The following ADGRL2 variants were observed in gnomAD, a reference collection of about 807,000 sequenced individuals.
ADGRL2 encodes the protein adhesion G protein-coupled receptor L2.
ADGRL2 carries 44 observed loss-of-function variants against 157.4 expected under a neutral mutation model. The ratio of observed to expected loss-of-function variants is 0.28; its 90% CI spans 0.22 to 0.36. The LOEUF (loss-of-function observed/expected upper bound fraction) is 0.36. ADGRL2 is among the 10% of genes least tolerant of loss of function. The pLI, the probability that ADGRL2 is intolerant of heterozygous loss-of-function variation, is 1.00. For missense variants in ADGRL2, 1,510 were observed against 1,768.9 expected, an observed-to-expected ratio of 0.85 and a Z score of 2.63; for synonymous variants, 585 against 624.7, an observed-to-expected ratio of 0.94 and a Z score of 0.95.
chr1:81,452,492 T>C (rs1276439852), intron 2 of ADGRL2, among the ~76,000 whole-genome samples: 2 of 152,166 alleles, frequency 1.3e-5, no homozygotes, highest in African/African-American at 2.4e-5. Context: ...TATTTGTAAA[T>C]GAATAAATAA....
chr1:81,696,712 A>G (rs1428136963), upstream of ADGRL2, among the ~76,000 whole-genome samples: 1 of 152,206 alleles, frequency 6.6e-6, no homozygotes, highest in Non-Finnish European at 1.5e-5. Context: ...AGATCACACC[A>G]CTGCACTCCA....
intron 2 of ADGRL2, among the ~76,000 whole-genome samples, chr1:81,527,667 G>A (rs1172491769): frequency 1.3e-5 from 2 of 151,480 alleles, no homozygotes; most frequent in East Asian, 2.0e-4. Context: ...AGCCAAGATC[G>A]CGCCACTGCA....
chr1:81,513,013 T>C (rs1393309725), intron 2 of ADGRL2, among the ~76,000 whole-genome samples: 1 of 152,194 alleles, frequency 6.6e-6, no homozygotes, highest in Non-Finnish European at 1.5e-5. Context: ...AATCTTTAAA[T>C]GTTCTAATGT....
At chr1:81,518,133 G>A (rs1005565831) in intron 2 of ADGRL2, among the ~76,000 whole-genome samples, 2 of 152,248 alleles carry the variant, frequency 1.3e-5, no homozygotes. Context: ...TAGCCAGGCA[G>A]GCAGGAGTAG....
Position 81,503,043 on chromosome 1 carries a change from C to T in ADGRL2, c.-248+57954C>T. 3.1e-6 allele frequency: 5 copies of T among 1,611,400 alleles called. No homozygotes were observed. The South Asian group carries it at 3.3e-5, about 11-fold the overall frequency. ...GCCAGCAGGCTGGTACTCGGACCGC[C>T]GCACTGGAGCAGCTGCGGGAGCGGC... On this transcript the variant is annotated intron_variant, in intron 2 of 24. Transcript: ENST00000370721.
At chr1:81,393,970 C>T (rs1181618689) in intron 1 of ADGRL2, among the ~76,000 whole-genome samples, 1 of 151,786 alleles carries the variant, frequency 6.6e-6, no homozygotes, top group Non-Finnish European at 1.5e-5. Context: ...GATCCTAACA[C>T]CTTTCAGGGA....
At chr1:81,485,221 T>A (rs2078475619) in intron 2 of ADGRL2, among the ~76,000 whole-genome samples, 1 of 149,148 alleles carries the variant, frequency 6.7e-6, no homozygotes, top group African/African-American at 2.5e-5. Context: ...TGTGTAGTAA[T>A]CAGAAACAGG....
intron 2 of ADGRL2, among the ~76,000 whole-genome samples, chr1:81,517,464 CAAAAAAAA>C (rs397956551): frequency 4.4e-5 from 2 of 45,268 alleles, no homozygotes; most frequent in African/African-American, 1.6e-4. Flanking sequence ...GACTCCCTCT[CAAAAAAAA>C]AAAAAAAAAA....
intron 2 of ADGRL2, among the ~76,000 whole-genome samples, chr1:81,495,888 G>A (rs935462188): frequency 3.3e-5 from 5 of 152,098 alleles, no homozygotes; most frequent in Non-Finnish European, 7.4e-5. Flanking sequence ...TAGATTTCTA[G>A]TTATTGAGAG....
chr1:81,444,545 C>A (rs141734460), intron 1 of ADGRL2, among the ~76,000 whole-genome samples: 1 of 152,290 alleles, frequency 6.6e-6, no homozygotes. Context: ...CAGTTCCTAA[C>A]GGTCAAAGTT....
At chr1:81,698,960 T>G (rs562868993), upstream of ADGRL2, among the ~76,000 whole-genome samples, 110 of 152,304 alleles carry the variant, frequency 7.2e-4, 2 homozygotes, top group South Asian at 0.022. Context: ...CAAAAATGAT[T>G]TCCTTTCCTT....
At chr1:81,872,907 T>A (rs977381843) in intron 2 of ADGRL2, among the ~76,000 whole-genome samples, 3 of 152,106 alleles carry the variant, frequency 2.0e-5, no homozygotes, top group African/African-American at 7.2e-5. Flanking sequence ...AATATGAATA[T>A]CAGAAGCACT....
At chr1:81,846,539 G>T (rs1367398791) in intron 2 of ADGRL2, among the ~76,000 whole-genome samples, 1 of 151,438 alleles carries the variant, frequency 6.6e-6, no homozygotes, top group African/African-American at 2.4e-5. Context: ...TTTTGCACAG[G>T]GATTTAATCT....
intron 3 of ADGRL2, among the ~76,000 whole-genome samples, chr1:81,916,218 C>T (rs1463589121): frequency 1.3e-5 from 2 of 152,112 alleles, no homozygotes; most frequent in Non-Finnish European, 2.9e-5. Flanking sequence ...ACGAGATCAG[C>T]TTTCATAAGA....
intron 5 of ADGRL2, 67 bp from the exon 6 acceptor site, chr1:81,942,902 C>A: frequency 8.4e-7 from 1 of 1,188,916 alleles, no homozygotes; most frequent in Non-Finnish European, 1.2e-6. Context: ...TTTGTGATCA[C>A]TGAAACTTGT....
At chr1:81,333,391 T>TTTAATTAA (rs756755985) in intron 1 of ADGRL2, among the ~76,000 whole-genome samples, 6 of 147,288 alleles carry the variant, frequency 4.1e-5, no homozygotes, top group South Asian at 2.1e-4. Context: ...TCCTTGACTT[T>TTTAATTAA]TTAATTAATT....
rs78788782 is a variant in ADGRL2, at chr1:81,436,549, A to G, written c.-301-8487A>G. Among the ~76,000 whole-genome samples, 47 of 152,318 alleles carry G rather than the reference A, an allele frequency of 3.1e-4. No homozygotes were observed. The East Asian group carries it at 7.5e-3, about 24-fold the overall frequency. Reference sequence around the variant, plus strand: ...ACTTTATGGCTCTTTGTTCCCAAGTAAACAAGCCTAGTCTGGTTATGTATT... The same window carrying G: ...ACTTTATGGCTCTTTGTTCCCAAGTGAACAAGCCTAGTCTGGTTATGTATT... On this transcript the variant is annotated intron_variant, in intron 1 of 24. Coordinates refer to the ADGRL2 transcript ENST00000370721.
At chr1:81,313,358 T>C (rs1285461399) in intron 1 of ADGRL2, among the ~76,000 whole-genome samples, 2 of 152,128 alleles carry the variant, frequency 1.3e-5, no homozygotes, top group Non-Finnish European at 2.9e-5. Context: ...ATGCTGGGGG[T>C]CACATTTATA....
At chr1:81,809,002 G>A (rs1571342380) in intron 1 of ADGRL2, among the ~76,000 whole-genome samples, 1 of 152,080 alleles carries the variant, frequency 6.6e-6, no homozygotes, top group East Asian at 1.9e-4. Context: ...TCTGCCTGAG[G>A]GTAAAGTTTA....
Sources: gnomAD v4.1 joint callset for allele counts (sites outside exome capture counted in the v4.1 genomes callset) on GRCh38, gnomAD v4.1.1 for gene constraint, MANE v1.5 for transcripts, NCBI Gene and HGNC (gene_info 2026-07-23, HGNC 2026-07-21) for gene names.